The following KIF6 variants were observed in gnomAD, a reference collection of about 807,000 sequenced individuals.
KIF6 encodes kinesin family member 6.
In KIF6, 106 loss-of-function variants were observed where a neutral mutation model predicts 112.7. That is an observed-to-expected ratio of 0.94 (90% confidence interval 0.80 to 1.11). The LOEUF (loss-of-function observed/expected upper bound fraction) is 1.11. Ranked by LOEUF, KIF6 falls within the 50% of genes least tolerant of loss-of-function variation. The pLI is 0.00. For synonymous variants in KIF6, 339 were observed against 339.9 expected, an observed-to-expected ratio of 1.00 and a Z score of 0.03; for missense variants, 929 against 964.0, an observed-to-expected ratio of 0.96 and a Z score of 0.48.
intron 13 of KIF6, among the ~76,000 whole-genome samples, chr6:39,519,752 G>A (rs561492226): frequency 1.4e-3 from 139 of 100,850 alleles, no homozygotes; most frequent in African/African-American, 6.9e-3. Flanking sequence ...CGGGCGCCGC[G>A]GCTCATGCCT....
intron 17 of KIF6, among the ~76,000 whole-genome samples, chr6:39,360,871 C>A (rs1765078516): frequency 6.6e-6 from 1 of 152,200 alleles, no homozygotes; most frequent in South Asian, 2.1e-4. Flanking sequence ...TCATTTAATT[C>A]TCCTCACAAC....
intron 13 of KIF6, among the ~76,000 whole-genome samples, chr6:39,499,179 T>C (rs1031392677): frequency 1.3e-5 from 2 of 152,068 alleles, no homozygotes; most frequent in Non-Finnish European, 2.9e-5. Context: ...TCCCATAGGG[T>C]ACAGGCCCCT....
intron 13 of KIF6, among the ~76,000 whole-genome samples, chr6:39,498,368 G>A (rs1040080368): frequency 2.0e-5 from 3 of 152,136 alleles, no homozygotes; most frequent in South Asian, 2.1e-4. Context: ...AGAGAGTTGC[G>A]GGTGAGGAGA....
In KIF6 at chr6:39,509,546, G is replaced by A. The variant is rs1369893605; in HGVS notation, c.1645+30457C>T. On this transcript the variant is annotated intron_variant, in intron 13 of 22. Coordinates refer to ENST00000287152, the MANE Select transcript of KIF6 (RefSeq NM_145027.6). ...TAGAGAAGAGCTTAAATGACCTGAT[G>A]GAGCTGAAAACCACAGTATGAGAAC... is the stretch of plus-strand genomic sequence containing the variant. 2.0e-5 allele frequency among the ~76,000 whole-genome samples: 3 copies of A among 152,138 alleles called. No homozygotes were observed. In the East Asian group the frequency reaches 5.8e-4, roughly 29 times the overall value.
intron 13 of KIF6, among the ~76,000 whole-genome samples, chr6:39,446,932 A>G (rs1772366773): frequency 6.6e-6 from 1 of 152,264 alleles, no homozygotes; most frequent in East Asian, 1.9e-4. Flanking sequence ...GACAGAATGA[A>G]TGAGTAAATG....
chr6:39,599,360 T>C (rs914652986), intron 6 of KIF6, among the ~76,000 whole-genome samples: 2 of 152,186 alleles, frequency 1.3e-5, no homozygotes, highest in African/African-American at 4.8e-5. Flanking sequence ...TGAATGGCAA[T>C]TCAACCAGAA....
intron 3 of KIF6, among the ~76,000 whole-genome samples, chr6:39,708,720 G>A (rs945388047): frequency 7.9e-5 from 12 of 152,132 alleles, no homozygotes; most frequent in Admixed American, 7.2e-4. Context: ...TTGCAGATGT[G>A]TGCTAAGACC....
intron 10 of KIF6, among the ~76,000 whole-genome samples, chr6:39,563,762 A>G (rs1780140447): frequency 6.6e-6 from 1 of 152,188 alleles, no homozygotes. Flanking sequence ...GACTTGCCCC[A>G]GGCCTCAGGA....
intron 16 of KIF6, among the ~76,000 whole-genome samples, chr6:39,384,962 C>T (rs1042462060): frequency 9.2e-5 from 14 of 152,188 alleles, no homozygotes; most frequent in African/African-American, 3.4e-4. Context: ...TTAAAAGGTG[C>T]CAAGGGCCTC....
Position 39,560,496 on chromosome 6 carries a change from C to T in KIF6, c.1182-14808G>A, listed in dbSNP as rs1313339156. ...AGGAAGCCACACTTACGGCTTTGCT[C>T]ATATTGATTCCTCTATCTGAAATGT... On this transcript the variant is annotated intron_variant, in intron 10 of 22. Coordinates refer to ENST00000287152, the MANE Select transcript of KIF6 (RefSeq NM_145027.6). Among the ~76,000 whole-genome samples the T allele has an allele frequency of 3.9e-5, 6 of 152,150 alleles. No individual in the cohort carries two copies. In the South Asian group the frequency reaches 8.3e-4, roughly 21 times the overall value.
At chr6:39,537,074 T>G (rs891988881) in intron 13 of KIF6, among the ~76,000 whole-genome samples, 2 of 152,188 alleles carry the variant, frequency 1.3e-5, no homozygotes, top group Non-Finnish European at 2.9e-5. Context: ...CTCAAAATAA[T>G]AAGAGCTATC....
chr6:39,645,899 T>TCAA (rs1213236393), intron 3 of KIF6, among the ~76,000 whole-genome samples: 3 of 151,224 alleles, frequency 2.0e-5, no homozygotes, highest in Non-Finnish European at 2.9e-5. Context: ...ATGTCCTCAC[T>TCAA]CATAGGTGGG....
chr6:39,368,096 G>A (rs1196968861), intron 16 of KIF6, among the ~76,000 whole-genome samples: 1 of 152,130 alleles, frequency 6.6e-6, no homozygotes, highest in African/African-American at 2.4e-5. Flanking sequence ...GAGCCAGCAC[G>A]TCCCCTACAT....
intron 3 of KIF6, among the ~76,000 whole-genome samples, chr6:39,697,191 G>A (rs1302816991): frequency 2.6e-5 from 4 of 152,080 alleles, no homozygotes; most frequent in Non-Finnish European, 4.4e-5. Flanking sequence ...ATTTCCAAAT[G>A]GTGCAGATAG....
At chr6:39,474,253 G>T (rs1051277412) in intron 13 of KIF6, among the ~76,000 whole-genome samples, 1 of 152,116 alleles carries the variant, frequency 6.6e-6, no homozygotes, top group African/African-American at 2.4e-5. Context: ...ACCTATTTGA[G>T]GTCTCTTCAT....
In KIF6 at chr6:39,714,750, C is replaced by G. The variant is rs1380155439; in HGVS notation, c.193G>C (p.Asp65His). 5 of 1,612,140 alleles carry G rather than the reference C, an allele frequency of 3.1e-6. No homozygotes were observed. The highest frequency in any genetic ancestry group is 4.2e-6 in the Non-Finnish European group (5 of 1,178,550). The stretch of plus-strand genomic sequence containing the variant: ...ACGGTCTCTTGGTTTGCATCCTGAT[C>G]AAAAATTCTTTGAAATCTGCAATGT... ...SYKFKFQRIF[D>H]QDANQETVFE... Residue 65 changes from aspartate to histidine, a missense_variant, in exon 3 of 23, where the codon GAT becomes CAT. Asp to His is a moderately conservative substitution (Grantham distance 81). Around this residue, in one of 2 missense-constraint regions of KIF6, gnomAD observed 688 missense variants for 662.7 expected, o/e 1.04. Coordinates refer to ENST00000287152, the MANE Select transcript of KIF6 (RefSeq NM_145027.6).
At chr6:39,345,842 G>A (rs1562112186) in intron 20 of KIF6, 53 bp from the exon 21 acceptor site, 3 of 1,325,928 alleles carry the variant, frequency 2.3e-6, no homozygotes, top group Non-Finnish European at 3.2e-6. Flanking sequence ...ATTTATAGAA[G>A]GAAATTCAGG....
At chr6:39,654,877 G>A (rs1204174877) in intron 3 of KIF6, among the ~76,000 whole-genome samples, 1 of 152,190 alleles carries the variant, frequency 6.6e-6, no homozygotes, top group Admixed American at 6.5e-5. Flanking sequence ...GTATTTCACA[G>A]TATAAATGTA....
intron 6 of KIF6, among the ~76,000 whole-genome samples, chr6:39,602,235 G>A (rs1026342561): frequency 1.3e-5 from 2 of 151,392 alleles, no homozygotes; most frequent in Admixed American, 6.6e-5. Flanking sequence ...TTTCTTTTTC[G>A]GAAAATGGAG....
Sources: allele counts gnomAD v4.1 joint callset (sites outside exome capture counted in the v4.1 genomes callset), GRCh38; gene constraint gnomAD v4.1.1; regional missense constraint gnomAD v4.1.1; transcripts MANE v1.5; gene names NCBI Gene and HGNC (gene_info 2026-07-23, HGNC 2026-07-21).